The following PMFBP1 variants were observed in gnomAD, a reference collection of about 807,000 sequenced individuals.
PMFBP1 encodes the protein polyamine-modulated factor 1-binding protein 1.
In PMFBP1, 131 loss-of-function variants were observed where a neutral mutation model predicts 137.8. The ratio of observed to expected loss-of-function variants is 0.95; its 90% CI spans 0.82 to 1.10. PMFBP1 has a LOEUF of 1.10. Among genes scored for constraint, PMFBP1 ranks in the 50% least tolerant of loss-of-function variants. The pLI is 0.00. For missense variants in PMFBP1, 1,199 were observed against 1,175.4 expected, an observed-to-expected ratio of 1.02 and a Z score of -0.29; for synonymous variants, 490 against 450.4, an observed-to-expected ratio of 1.09 and a Z score of -1.11.
the PMFBP1 span, among the ~76,000 whole-genome samples, chr16:72,208,498 T>G: frequency 6.6e-6 from 1 of 152,278 alleles, no homozygotes; most frequent in South Asian, 2.1e-4. Context: ...TTTTCCATTC[T>G]AATTATATTT....
At chr16:72,234,430 G>A in the PMFBP1 span, among the ~76,000 whole-genome samples, 2 of 152,138 alleles carry the variant, frequency 1.3e-5, no homozygotes, top group Non-Finnish European at 2.9e-5. Flanking sequence ...TTCTCATTAT[G>A]ATAGTAAAAA....
chr16:72,190,847 C>T, the PMFBP1 span, among the ~76,000 whole-genome samples: 1 of 152,110 alleles, frequency 6.6e-6, no homozygotes. Context: ...ATACAGGAAG[C>T]TTTATAGGAC....
chr16:72,241,546 A>G, the PMFBP1 span, among the ~76,000 whole-genome samples: 1 of 152,190 alleles, frequency 6.6e-6, no homozygotes, highest in Non-Finnish European at 1.5e-5. Context: ...AGAATATTTG[A>G]TTGGCCTTTG....
the PMFBP1 span, among the ~76,000 whole-genome samples, chr16:72,194,707 G>C: frequency 6.6e-6 from 1 of 152,148 alleles, no homozygotes; most frequent in African/African-American, 2.4e-5. Context: ...CATGCTTTGG[G>C]CAGGATATAG....
the PMFBP1 span, among the ~76,000 whole-genome samples, chr16:72,187,027 C>T: frequency 6.6e-6 from 1 of 151,128 alleles, no homozygotes; most frequent in Non-Finnish European, 1.5e-5. Context: ...GCAGGAGAAT[C>T]GCTTGAATCC....
chr16:72,219,721 G>A, the PMFBP1 span, among the ~76,000 whole-genome samples: 1 of 152,174 alleles, frequency 6.6e-6, no homozygotes. Context: ...TGAGATACAG[G>A]TTTGGAATTA....
the PMFBP1 span, among the ~76,000 whole-genome samples, chr16:72,185,362 T>G: frequency 6.6e-6 from 1 of 152,136 alleles, no homozygotes; most frequent in Non-Finnish European, 1.5e-5. Flanking sequence ...TGCCCTTCTT[T>G]ACGTTTCCCG....
the PMFBP1 span, among the ~76,000 whole-genome samples, chr16:72,192,581 GT>G: frequency 6.6e-6 from 1 of 152,102 alleles, no homozygotes. Context: ...ATGCAAAGAT[GT>G]TTTTTTAAGG....
At chr16:72,129,497 G>T (rs1400571792) in intron 12 of PMFBP1, among the ~76,000 whole-genome samples, 1 of 152,112 alleles carries the variant, frequency 6.6e-6, no homozygotes, top group Non-Finnish European at 1.5e-5. Flanking sequence ...TCTTCCCAAA[G>T]ATTAGGAAGA....
chr16:72,154,424 C>G lies in PMFBP1; in HGVS notation c.201G>C (p.Glu67Asp). 6.2e-7 allele frequency: 1 copy of G among 1,614,198 alleles called. No homozygotes were observed. The highest frequency in any genetic ancestry group is 8.5e-7 in the Non-Finnish European group (1 of 1,180,000). ...TACTGGACCCAAATTCCACCTCTGA[C>G]TCCTCGAATGCTAATGCCTGTGCTT... ...KKQAQALAFE[E>D]SEVEFGSSKQ... The change falls in exon 4 of 21, where the codon GAG becomes GAC. Residue 67 changes from glutamate (E) to aspartate (D), a missense_variant. Glu to Asp is a conservative substitution (Grantham distance 45). Transcript: ENST00000237353.
At chr16:72,164,553 G>T in intron 3 of PMFBP1, 1 of 1,321,364 alleles carries the variant, frequency 7.6e-7, no homozygotes, top group Non-Finnish European at 1.0e-6. Flanking sequence ...TGACCTTGGA[G>T]ATAGATGGAA....
intron 3 of PMFBP1, among the ~76,000 whole-genome samples, chr16:72,157,231 T>C (rs2042996768): frequency 6.7e-6 from 1 of 150,176 alleles, no homozygotes; most frequent in African/African-American, 2.5e-5. Context: ...ATCCCGACTT[T>C]GTGGAGTTTG....
At chr16:72,208,242 T>C in the PMFBP1 span, among the ~76,000 whole-genome samples, 3 of 152,170 alleles carry the variant, frequency 2.0e-5, no homozygotes, top group Admixed American at 2.0e-4. Context: ...CACAGTGCCA[T>C]GAAGTTAGCT....
chr16:72,167,863 C>T (rs556328336), intron 2 of PMFBP1, among the ~76,000 whole-genome samples: 1 of 152,320 alleles, frequency 6.6e-6, no homozygotes, highest in African/African-American at 2.4e-5. Context: ...GGCTCACTAA[C>T]AAAATGCCAA....
In PMFBP1 at chr16:72,140,572, T is replaced by C. The variant is rs1435900678; in HGVS notation, c.647A>G (p.Asn216Ser). The change falls in exon 6 of 21, where the codon AAC (asparagine) becomes AGC (serine). Residue 216 changes from asparagine to serine, a missense_variant. Physicochemically the swap from Asn to Ser is conservative, Grantham distance 46. Coordinates refer to ENST00000237353, the MANE Select transcript of PMFBP1 (RefSeq NM_031293.3). The part of the protein sequence containing the change: ...LGGIMGQEPE[N>S]KGDHSKVRIY... ...CCGTACCTTTGAATGATCACCCTTG[T>C]TCTCAGGCTCCTGAGAGATTTAAAA... 3 of 1,613,000 alleles carry C rather than the reference T, an allele frequency of 1.9e-6. No individual in the cohort carries two copies. In the African/African-American group the frequency reaches 4.0e-5, roughly 22 times the overall value.
intron 3 of PMFBP1, chr16:72,164,448 C>A: frequency 7.3e-7 from 1 of 1,361,862 alleles, no homozygotes; most frequent in Non-Finnish European, 9.6e-7. Flanking sequence ...ACGCTGCTCC[C>A]CTTGTATCAC....
intron 18 of PMFBP1, 143 bp downstream of exon 18, chr16:72,123,403 A>G (rs890870008): frequency 4.7e-5 from 33 of 696,984 alleles, no homozygotes; most frequent in Non-Finnish European, 6.1e-5. Flanking sequence ...TCTCCATCTT[A>G]TTTCCATCCC....
chr16:72,163,729 T>C (rs2043098186), intron 3 of PMFBP1, among the ~76,000 whole-genome samples: 1 of 152,190 alleles, frequency 6.6e-6, no homozygotes, highest in East Asian at 1.9e-4. Context: ...TACAATGGAA[T>C]ACTACTCAGC....
upstream of PMFBP1, among the ~76,000 whole-genome samples, chr16:72,178,303 T>A (rs1019599711): frequency 6.6e-6 from 1 of 152,198 alleles, no homozygotes; most frequent in East Asian, 1.9e-4. Context: ...GTTATGCTGG[T>A]GTCTACTGGG....
Sources: allele counts gnomAD v4.1 joint callset (sites outside exome capture counted in the v4.1 genomes callset), GRCh38; gene constraint gnomAD v4.1.1; transcripts MANE v1.5; gene names NCBI Gene and HGNC (gene_info 2026-07-23, HGNC 2026-07-21).